Variants in STAG1 observed in about 807,000 individuals in gnomAD.
STAG1 encodes STAG1 cohesin complex component.
Under a neutral mutation model 170.9 loss-of-function variants are expected in STAG1, and 26 were observed. The observed-to-expected ratio is 0.15, with a 90% CI of 0.11 to 0.21. The LOEUF is 0.21. Ranked by LOEUF, STAG1 falls within the 10% of genes least tolerant of loss-of-function variation. The pLI, the probability that STAG1 is intolerant of heterozygous loss-of-function variation, is 1.00. For synonymous variants in STAG1, 514 were observed against 497.7 expected (o/e 1.03, Z -0.44); for missense variants, 964 against 1,509.5 (o/e 0.64, Z 5.99).
chr3:136,731,617 G>A (rs1450409014), intron 1 of STAG1, among the ~76,000 whole-genome samples: 1 of 152,202 alleles, frequency 6.6e-6, no homozygotes, highest in African/African-American at 2.4e-5. Context: ...CCTAAGTTCT[G>A]AGTCTTCATA....
At chr3:136,477,506 TG>T in intron 9 of STAG1, 94 bp from the exon 10 acceptor site, 1 of 1,182,938 alleles carries the variant, frequency 8.5e-7, no homozygotes, top group Non-Finnish European at 1.1e-6. Context: ...TTTCTAATGC[TG>T]TTTGTATATA....
chr3:136,676,509 A>G (rs1305235753), intron 1 of STAG1, among the ~76,000 whole-genome samples: 6 of 152,112 alleles, frequency 3.9e-5, no homozygotes, highest in Non-Finnish European at 8.8e-5. Context: ...GAAGTGACTC[A>G]ATCATAGCTC....
At chr3:136,500,422 T>C (rs9858105) in intron 8 of STAG1, 126 bp from the exon 9 acceptor site, 8,489 of 610,722 alleles carry the variant, frequency 0.014, 92 homozygotes, top group Admixed American at 0.027. Context: ...TCACTTGTAG[T>C]ACAGATGTGT....
intron 3 of STAG1, among the ~76,000 whole-genome samples, 190 bp from the exon 4 acceptor site, chr3:136,604,663 T>C (rs891050303): frequency 2.4e-4 from 36 of 152,112 alleles, no homozygotes; most frequent in African/African-American, 8.2e-4. Flanking sequence ...CTTTCTTTTG[T>C]TTTTTGAGAC....
intron 15 of STAG1, among the ~76,000 whole-genome samples, chr3:136,434,113 T>C (rs537025137): frequency 5.1e-4 from 77 of 152,306 alleles, no homozygotes; most frequent in East Asian, 7.7e-4. Context: ...CTTCTACTTA[T>C]GGTCATTCAA....
intron 21 of STAG1, among the ~76,000 whole-genome samples, chr3:136,402,660 G>A (rs1279422): frequency 6.6e-6 from 1 of 151,188 alleles, no homozygotes; most frequent in African/African-American, 2.4e-5. Context: ...GTGAAACCCC[G>A]TCTCTACTAA....
intron 21 of STAG1, 55 bp downstream of exon 21, chr3:136,417,830 C>T (rs763232290): frequency 2.9e-6 from 4 of 1,368,640 alleles, no homozygotes; most frequent in Non-Finnish European, 4.2e-6. Context: ...AATCATATGA[C>T]TTCAGAAAAA....
chr3:136,579,327 T>A (rs1405974043), intron 4 of STAG1, among the ~76,000 whole-genome samples: 2 of 152,216 alleles, frequency 1.3e-5, no homozygotes, highest in Non-Finnish European at 2.9e-5. Flanking sequence ...GTCTCTGCCA[T>A]AAGGTAGTTG....
chr3:136,456,568 G>C (rs2089117955), intron 13 of STAG1, among the ~76,000 whole-genome samples: 1 of 152,066 alleles, frequency 6.6e-6, no homozygotes, highest in Non-Finnish European at 1.5e-5. Flanking sequence ...AGACGAGAGA[G>C]AAAAAGGGCC....
intron 21 of STAG1, among the ~76,000 whole-genome samples, chr3:136,402,556 C>T (rs570391969): frequency 6.6e-6 from 1 of 152,092 alleles, no homozygotes; most frequent in East Asian, 2.0e-4. Flanking sequence ...TCAGACCAGG[C>T]ACAGTGGTTC....
intron 26 of STAG1, among the ~76,000 whole-genome samples, chr3:136,361,800 C>T (rs183347804): frequency 2.4e-4 from 36 of 152,024 alleles, no homozygotes; most frequent in Admixed American, 1.1e-3. Context: ...TTTTTGGAGA[C>T]GGGGTCTTGC....
At chr3:136,495,005 C>G (rs924935028) in intron 9 of STAG1, among the ~76,000 whole-genome samples, 10 of 152,098 alleles carry the variant, frequency 6.6e-5, no homozygotes, top group Admixed American at 2.0e-4. Context: ...GAATCTGTAC[C>G]AGTCAAAAAA....
chr3:136,645,751 T>C (rs933392085), intron 1 of STAG1, among the ~76,000 whole-genome samples: 5 of 152,202 alleles, frequency 3.3e-5, no homozygotes, highest in African/African-American at 1.2e-4. Context: ...TTACCCATAG[T>C]GTCTCTCCCA....
intron 22 of STAG1, among the ~76,000 whole-genome samples, chr3:136,380,521 T>A (rs577248863): frequency 6.6e-6 from 1 of 152,070 alleles, no homozygotes; most frequent in Non-Finnish European, 1.5e-5. Context: ...ATTACAGGCG[T>A]GAGCCACCGT....
intron 5 of STAG1, among the ~76,000 whole-genome samples, chr3:136,565,567 A>T (rs1937046269): frequency 6.6e-6 from 1 of 152,212 alleles, no homozygotes; most frequent in African/African-American, 2.4e-5. Flanking sequence ...GAATCCTCAT[A>T]CATTTCTGGT....
intron 13 of STAG1, among the ~76,000 whole-genome samples, chr3:136,456,422 T>C (rs1035147260): frequency 1.3e-5 from 2 of 152,154 alleles, no homozygotes; most frequent in African/African-American, 4.8e-5. Context: ...GAGGAAAGAA[T>C]TAGTAAGCCT....
intron 7 of STAG1, among the ~76,000 whole-genome samples, chr3:136,511,988 G>A (rs540575245): frequency 5.9e-5 from 9 of 151,378 alleles, no homozygotes; most frequent in South Asian, 2.1e-4. Context: ...TGTGGTGGTG[G>A]GCACACCTAT....
intron 1 of STAG1, among the ~76,000 whole-genome samples, chr3:136,700,418 CT>C (rs775648320): frequency 0.011 from 1,615 of 141,040 alleles, 14 homozygotes; most frequent in African/African-American, 0.026. Context: ...ATTACTTCTT[CT>C]TTTTTTTTTT....
rs1207671431 is a variant in STAG1, at chr3:136,565,011, A to AAGGAAGGAAGGC, written c.394+3753_394+3754insGCCTTCCTTCCT. Among the ~76,000 whole-genome samples the AAGGAAGGAAGGC allele has an allele frequency of 2.0e-3, 89 of 45,422 alleles. 1 individual carries two copies. Among genetic ancestry groups the AAGGAAGGAAGGC allele is most frequent in the East Asian group, 3.5e-3 (9 of 2,540 alleles). 29.8% of individuals were successfully genotyped at this position (45,422 alleles called of 152,430 possible). A position where few individuals can be genotyped will look rare whatever the true frequency, so the allele number is the denominator to read the frequency against. On this transcript the variant is annotated intron_variant, in intron 5 of 33. Transcript: ENST00000383202. The stretch of plus-strand genomic sequence containing the variant: ...GAAGGAAGGAAGGAAGGAAGGAAGG[A>AAGGAAGGAAGGC]AGGCAGGCAGGCAGGCAGGCAGGCA...
Sources: gnomAD v4.1 joint callset for allele counts (sites outside exome capture counted in the v4.1 genomes callset) on GRCh38, gnomAD v4.1.1 for gene constraint, MANE v1.5 for transcripts, NCBI Gene and HGNC (gene_info 2026-07-23, HGNC 2026-07-21) for gene names.